The following GRIP1 variants were observed in gnomAD, a reference collection of about 807,000 sequenced individuals.
GRIP1 encodes the protein glutamate receptor interacting protein 1.
Under a neutral mutation model 129.9 loss-of-function variants are expected in GRIP1, and 45 were observed. The observed-to-expected ratio is 0.35, with a 90% CI of 0.27 to 0.44. GRIP1 has a LOEUF of 0.44. Among genes scored for constraint, GRIP1 ranks in the 20% least tolerant of loss-of-function variants. The pLI, the probability that GRIP1 is intolerant of heterozygous loss-of-function variation, is 1.00. For synonymous variants in GRIP1, 530 were observed against 520.8 expected, an observed-to-expected ratio of 1.02 and a Z score of -0.24; for missense variants, 1,196 against 1,396.8, an observed-to-expected ratio of 0.86 and a Z score of 2.29.
intron 7 of GRIP1, among the ~76,000 whole-genome samples, chr12:66,471,843 G>A (rs949959459): frequency 1.3e-5 from 2 of 152,190 alleles, no homozygotes; most frequent in African/African-American, 4.8e-5. Flanking sequence ...GCAAATCAAT[G>A]ATGGTGTCTC....
intron 1 of GRIP1, among the ~76,000 whole-genome samples, chr12:66,885,018 C>A (rs138586561): frequency 2.8e-4 from 43 of 152,286 alleles, no homozygotes; most frequent in African/African-American, 9.9e-4. Flanking sequence ...TAGAGGTTTT[C>A]TGCTGAACTC....
At chr12:67,004,631 G>C (rs566201620) in intron 1 of GRIP1, among the ~76,000 whole-genome samples, 2 of 152,008 alleles carry the variant, frequency 1.3e-5, no homozygotes, top group Non-Finnish European at 1.5e-5. Context: ...GACCCTGGTT[G>C]GATGGGAATT....
intron 1 of GRIP1, among the ~76,000 whole-genome samples, chr12:66,732,993 G>C (rs538464513): frequency 4.3e-4 from 66 of 152,250 alleles, no homozygotes; most frequent in African/African-American, 1.6e-3. Flanking sequence ...TTATCAACAG[G>C]AAAATAATCG....
At chr12:66,765,800 C>T (rs2037617257) in intron 1 of GRIP1, among the ~76,000 whole-genome samples, 1 of 152,186 alleles carries the variant, frequency 6.6e-6, no homozygotes, top group African/African-American at 2.4e-5. Flanking sequence ...ACCATCCTTG[C>T]TCTATTTCAG....
chr12:66,485,359 C>T (rs930845272), intron 7 of GRIP1, among the ~76,000 whole-genome samples: 1 of 151,738 alleles, frequency 6.6e-6, no homozygotes, highest in Non-Finnish European at 1.5e-5. Flanking sequence ...GGTATTTTCC[C>T]TGATTTTTTA....
chr12:66,549,168 G>A (rs1446482397), intron 2 of GRIP1, among the ~76,000 whole-genome samples: 5 of 152,138 alleles, frequency 3.3e-5, no homozygotes, highest in Non-Finnish European at 7.3e-5. Context: ...ATAGTGCCTG[G>A]AACATTCACA....
At chr12:66,778,014 A>G (rs1255879422) in intron 1 of GRIP1, among the ~76,000 whole-genome samples, 1 of 152,216 alleles carries the variant, frequency 6.6e-6, no homozygotes, top group Non-Finnish European at 1.5e-5. Flanking sequence ...TGTAAAATAC[A>G]CACCAAATTT....
chr12:66,372,339 A>C (rs1592713784), intron 22 of GRIP1: 1 of 283,746 alleles, frequency 3.5e-6, no homozygotes, highest in Non-Finnish European at 6.9e-6. Context: ...CTCAATGGAC[A>C]CCAGGCTGCC....
intron 1 of GRIP1, among the ~76,000 whole-genome samples, chr12:66,818,644 A>G (rs1326679264): frequency 6.6e-6 from 1 of 152,202 alleles, no homozygotes; most frequent in Non-Finnish European, 1.5e-5. Flanking sequence ...GTTAACACAG[A>G]ATATTAAAAA....
intron 1 of GRIP1, among the ~76,000 whole-genome samples, chr12:66,986,038 C>T (rs1449369563): frequency 1.3e-5 from 2 of 152,248 alleles, no homozygotes; most frequent in African/African-American, 4.8e-5. Context: ...ATGCCCTGCC[C>T]CTAATGGACC....
At chr12:66,358,055 G>A (rs141939757) in intron 23 of GRIP1, among the ~76,000 whole-genome samples, 5,879 of 152,158 alleles carry the variant, frequency 0.039, 156 homozygotes, top group Non-Finnish European at 0.06. Context: ...CCCTACGCCC[G>A]GCTAATGTTT....
intron 1 of GRIP1, among the ~76,000 whole-genome samples, chr12:66,775,500 C>G (rs1316828858): frequency 6.6e-6 from 1 of 152,016 alleles, no homozygotes; most frequent in African/African-American, 2.4e-5. Flanking sequence ...TCAATTTTAG[C>G]TTTAAACATT....
Position 67,054,697 on chromosome 12 carries a change from GA to G in GRIP1, c.58+14352del, listed in dbSNP as rs201247856. 2.2e-3 allele frequency among the ~76,000 whole-genome samples: 337 copies of G among 151,884 alleles called. 1 individual carries two copies. Among genetic ancestry groups the G allele is most frequent in the African/African-American group, 7.8e-3 (321 of 41,378 alleles). ...GAGAATTGCTTGAACCCGGGAGGTA[GA>G]GGCTGCAGTGAGCCAAGATTGCACC... On this transcript the variant is annotated intron_variant, in intron 1 of 1. Transcript: ENST00000643019.
chr12:66,839,940 A>T (rs1279387713), intron 1 of GRIP1, among the ~76,000 whole-genome samples: 1 of 152,192 alleles, frequency 6.6e-6, no homozygotes, highest in Non-Finnish European at 1.5e-5. Flanking sequence ...TGTTTAATAG[A>T]TACTATAGGT....
intron 1 of GRIP1, among the ~76,000 whole-genome samples, chr12:66,817,808 T>C (rs1480806059): frequency 6.6e-6 from 1 of 152,222 alleles, no homozygotes; most frequent in Non-Finnish European, 1.5e-5. Flanking sequence ...TAACTACATT[T>C]CTCAAATTAA....
At chr12:66,732,251 A>G (rs1250263977) in intron 1 of GRIP1, among the ~76,000 whole-genome samples, 1 of 152,146 alleles carries the variant, frequency 6.6e-6, no homozygotes, top group African/African-American at 2.4e-5. Context: ...AAAGATGATA[A>G]GCATAAAGAC....
intron 1 of GRIP1, among the ~76,000 whole-genome samples, chr12:66,774,062 T>C (rs924397360): frequency 1.3e-5 from 2 of 151,246 alleles, no homozygotes; most frequent in African/African-American, 2.4e-5. Context: ...AGTTCAAAAA[T>C]GGAGAACAGT....
chr12:66,408,232 A>G (rs1274402080), intron 15 of GRIP1, among the ~76,000 whole-genome samples: 1 of 152,086 alleles, frequency 6.6e-6, no homozygotes, highest in Non-Finnish European at 1.5e-5. Context: ...TAATCCCAGC[A>G]CTTTGGGAGG....
chr12:66,660,211 G>A (rs1431777579), intron 1 of GRIP1, among the ~76,000 whole-genome samples: 1 of 152,036 alleles, frequency 6.6e-6, no homozygotes, highest in Non-Finnish European at 1.5e-5. Context: ...CCTTAGTTTG[G>A]CTATTAAAAT....
Sources: allele counts gnomAD v4.1 joint callset (sites outside exome capture counted in the v4.1 genomes callset), GRCh38; gene constraint gnomAD v4.1.1; transcripts MANE v1.5; gene names NCBI Gene and HGNC (gene_info 2026-07-23, HGNC 2026-07-21).